The following FN1 variants were observed in gnomAD, a reference collection of about 807,000 sequenced individuals.
The protein encoded by FN1 is fibronectin 1, also known as fibronectin.
In FN1, 106 loss-of-function variants were observed where a neutral mutation model predicts 297.3. The ratio of observed to expected loss-of-function variants is 0.36; its 90% confidence interval spans 0.30 to 0.42. The LOEUF (loss-of-function observed/expected upper bound fraction) is 0.42, where lower values mean the gene tolerates loss of function less well. Among genes scored for constraint, FN1 ranks in the 10% least tolerant of loss-of-function variants. The pLI is 1.00. For missense variants in FN1, 2,690 were observed against 3,124.9 expected, an observed-to-expected ratio of 0.86 and a Z score of 3.32; for synonymous variants, 1,149 against 1,152.6, an observed-to-expected ratio of 1.00 and a Z score of 0.06.
chr2:215,431,835 A>G lies in FN1; in HGVS notation c.545T>C (p.Ile182Thr). ...GCTCAGCCCTAAGACTCACACACCT[A>G]TGGGCTTGCAGGTCCATTCTCCTTT... ...NGKGEWTCKP[I>T]AEKCFDHAAG... is the part of the protein sequence containing the mutation. Residue 182 changes from isoleucine to threonine, a missense_variant and splice_region_variant, in exon 4 of 46, where the codon ATA becomes ACA. Physicochemically the swap from Ile to Thr is moderately conservative, Grantham distance 89 (BLOSUM62 -1). Transcript: ENST00000354785. 6.2e-6 allele frequency: 10 copies of G among 1,614,118 alleles called. No homozygotes were observed. Among genetic ancestry groups the G allele is most frequent in the Non-Finnish European group, 8.5e-6 (10 of 1,179,992 alleles).
intron 7 of FN1, 80 bp from the exon 8 acceptor site, chr2:215,424,405 G>A (rs1442378659): frequency 1.0e-5 from 12 of 1,166,158 alleles, no homozygotes; most frequent in Non-Finnish European, 1.3e-5. Context: ...TGGCTTCAAT[G>A]AGATACTGAG....
At position 215,372,319 on chromosome 2, in the gene FN1, A is replaced by C. The variant is rs1214840750; in HGVS notation, c.6304T>G (p.Leu2102Val). 6.2e-7 allele frequency: 1 copy of C among 1,614,246 alleles called. No individual in the cohort carries two copies. Among genetic ancestry groups the C allele is most frequent in the Admixed American group, 1.7e-5 (1 of 60,030 alleles). The change falls in exon 40 of 46, where the codon TTG becomes GTG. Residue 2102 changes from leucine (L) to valine (V), a missense_variant. Physicochemically the swap from Leu to Val is conservative, Grantham distance 32. Coordinates refer to ENST00000354785, the MANE Select transcript of FN1 (RefSeq NM_212482.4). ...TTTTGAACTGTGGAAGGAACATCCA[A>C]GATCTCTGGTCCATGAAGATTGGGG... ...PHPNLHGPEI[L>V]DVPSTVQKTP... is the part of the protein sequence containing the mutation.
intron 41 of FN1, 37 bp downstream of exon 41, chr2:215,370,257 A>AGGG (rs1324428322): frequency 6.2e-7 from 1 of 1,610,902 alleles, no homozygotes; most frequent in East Asian, 2.2e-5. Flanking sequence ...TGTACAGCAG[A>AGGG]GGGGAGCCTG....
At chr2:215,370,691 T>C (rs772217156) in intron 40 of FN1, among the ~76,000 whole-genome samples, 7 of 152,132 alleles carry the variant, frequency 4.6e-5, no homozygotes, top group Middle Eastern at 6.8e-3. Context: ...ACAGGAGCCC[T>C]CGACAATACT....
intron 3 of FN1, 69 bp from the exon 4 acceptor site, chr2:215,432,033 C>T (rs554005871): frequency 2.5e-6 from 4 of 1,595,486 alleles, no homozygotes; most frequent in Non-Finnish European, 3.4e-6. Flanking sequence ...TCATATTCCA[C>T]CCATGGTAGG....
intron 6 of FN1, among the ~76,000 whole-genome samples, chr2:215,426,353 T>G (rs1048315728): frequency 3.4e-4 from 50 of 147,892 alleles, no homozygotes; most frequent in South Asian, 1.5e-3. Flanking sequence ...TTTCACCGTG[T>G]TAGCCAGGAT....
At chr2:215,366,857 C>T (rs1241520775) in intron 42 of FN1, among the ~76,000 whole-genome samples, 1 of 152,136 alleles carries the variant, frequency 6.6e-6, no homozygotes, top group Non-Finnish European at 1.5e-5. Context: ...AGTTAAAAAC[C>T]ATCTACTTGA....
intron 31 of FN1, 53 bp downstream of exon 31, chr2:215,383,275 T>C (rs1005525463): frequency 1.4e-5 from 22 of 1,587,816 alleles, no homozygotes; most frequent in Non-Finnish European, 1.9e-5. Context: ...CCCAAAGTTC[T>C]GGGATTATAG....
intron 26 of FN1, among the ~76,000 whole-genome samples, chr2:215,389,874 C>T (rs900648180): frequency 2.2e-4 from 34 of 152,182 alleles, no homozygotes; most frequent in African/African-American, 7.5e-4. Flanking sequence ...GTGGTCTAGC[C>T]TATTGCTCCT....
At chr2:215,408,058 G>T in intron 17 of FN1, 50 bp downstream of exon 17, 2 of 1,420,590 alleles carry the variant, frequency 1.4e-6, no homozygotes, top group Non-Finnish European at 2.0e-6. Context: ...CCTCCCTGCT[G>T]ATGTCATTAA....
chr2:215,371,554 A>G (rs942302458), intron 40 of FN1, among the ~76,000 whole-genome samples: 1 of 152,062 alleles, frequency 6.6e-6, no homozygotes, highest in African/African-American at 2.4e-5. Context: ...TTTCTCTATG[A>G]AATAAAAGCT....
chr2:215,435,048 C>T (rs1255066917), intron 1 of FN1, among the ~76,000 whole-genome samples: 1 of 152,152 alleles, frequency 6.6e-6, no homozygotes, highest in Non-Finnish European at 1.5e-5. Context: ...ATGCAAGGAA[C>T]TTAAATATTC....
In FN1 at chr2:215,407,064, C is replaced by T; in HGVS notation, c.2713+63G>A. 3.1e-6 allele frequency: 4 copies of T among 1,296,428 alleles called. No homozygotes were observed. In the Admixed American group the frequency reaches 6.7e-5, roughly 22 times the overall value. The allele number at this position is 1,296,428 out of a possible 1,614,324, so 80.3% of individuals were successfully genotyped here. A position where few individuals can be genotyped will look rare whatever the true frequency, so the allele number is the denominator to read the frequency against. Reference sequence around the variant, plus strand: ...GAGAGGACTGTTGACAGAGACAAAACAACCCTCCTTCAGGAACAATCCTGA... The same window carrying T: ...GAGAGGACTGTTGACAGAGACAAAATAACCCTCCTTCAGGAACAATCCTGA... On this transcript the variant is annotated intron_variant, in intron 18 of 45. Transcript: ENST00000354785.
chr2:215,381,899 T>G, intron 32 of FN1: 1 of 371,002 alleles, frequency 2.7e-6, no homozygotes, highest in Non-Finnish European at 5.2e-6. Flanking sequence ...ACCATCCAGT[T>G]GTAGAAAAGA....
rs1183473040 is a variant in FN1 at position 215,370,301 on chromosome 2, G to A, written c.6846C>T (p.Gly2282=). 6.2e-7 allele frequency: 1 copy of A among 1,613,974 alleles called. No homozygotes were observed. The highest frequency in any genetic ancestry group is 2.2e-5 in the East Asian group (1 of 44,868). ...HKVREEVVTV[G]NSVNEGLNQP... is the part of the protein sequence containing the mutation. Reference sequence around the variant, plus strand: ...TAGTACGTGTTTACATACCAGAGTTGCCCACGGTAACAACCTCTTCCCGAA... The same window carrying A: ...TAGTACGTGTTTACATACCAGAGTTACCCACGGTAACAACCTCTTCCCGAA... The change falls in exon 41 of 46, where the codon GGC becomes GGT. Residue 2282 remains glycine, a synonymous_variant. Transcript: ENST00000354785.
In FN1 at chr2:215,409,729, C is replaced by T. The variant is rs535789591; in HGVS notation, c.2133G>A (p.Val711=). 6 of 1,614,118 alleles carry T rather than the reference C, an allele frequency of 3.7e-6. No homozygotes were observed. The Admixed American group carries it at 6.7e-5, about 18-fold the overall frequency. Residue 711 remains valine (V), a synonymous_variant, in exon 15 of 46, where the codon GTG becomes GTA. Coordinates refer to ENST00000354785, the MANE Select transcript of FN1 (RefSeq NM_212482.4). ...STSTPVTSNT[V]TGETTPFSPL... is the part of the protein sequence containing the mutation. ...GAGAAAAGGGAGTCGTCTCTCCTGT[C>T]ACGGTGTTGCCTAGAGAGTCACAGA...
At chr2:215,411,664 ACT>A (rs2062650313) in intron 13 of FN1, among the ~76,000 whole-genome samples, 1 of 115,866 alleles carries the variant, frequency 8.6e-6, no homozygotes, top group Non-Finnish European at 1.8e-5. Context: ...AATTCAATGT[ACT>A]TTTTTTTTTT....
At chr2:215,377,512 T>G (rs1033508679) in intron 35 of FN1, among the ~76,000 whole-genome samples, 1 of 152,116 alleles carries the variant, frequency 6.6e-6, no homozygotes, top group Non-Finnish European at 1.5e-5. Context: ...CACAGCCATG[T>G]GATGTGCCTG....
chr2:215,431,728 T>G, intron 4 of FN1, 105 bp downstream of exon 4: 1 of 1,167,508 alleles, frequency 8.6e-7, no homozygotes, highest in Admixed American at 1.7e-5. Context: ...TCTTTATTGG[T>G]TTTCACTGGA....
Sources: gnomAD v4.1 joint callset for allele counts (sites outside exome capture counted in the v4.1 genomes callset) on GRCh38, gnomAD v4.1.1 for gene constraint, MANE v1.5 for transcripts, NCBI Gene and HGNC (gene_info 2026-07-23, HGNC 2026-07-21) for gene names.